ASTN2: variants seen among roughly 807,000 people sequenced by gnomAD.
ASTN2 encodes the protein astrotactin-2.
ASTN2 carries 54 observed loss-of-function variants against 139.8 expected under a neutral mutation model. The observed-to-expected ratio is 0.39, with a 90% CI of 0.31 to 0.48. The LOEUF is 0.48. ASTN2 is among the 20% of genes least tolerant of loss of function. The probability of loss-of-function intolerance (pLI) is 0.95; values close to 1 mark genes in which losing one functional copy is unlikely to be tolerated. For synonymous variants in ASTN2, 756 were observed against 719.5 expected, an observed-to-expected ratio of 1.05 and a Z score of -0.81; for missense variants, 1,565 against 1,725.1, an observed-to-expected ratio of 0.91 and a Z score of 1.64.
intron 11 of ASTN2, among the ~76,000 whole-genome samples, chr9:116,823,220 G>A (rs994891239): frequency 3.3e-5 from 5 of 152,214 alleles, no homozygotes; most frequent in South Asian, 2.1e-4. Context: ...GGTAGGTACC[G>A]TCAGGATTCC....
At chr9:117,039,717 G>A (rs535317989) in intron 6 of ASTN2, 102 bp downstream of exon 6, 2 of 1,287,950 alleles carry the variant, frequency 1.6e-6, no homozygotes, top group South Asian at 4.1e-5. Context: ...TGTAATATAT[G>A]TAATAGTAAT....
At chr9:117,031,830 A>G (rs189002553) in intron 6 of ASTN2, among the ~76,000 whole-genome samples, 145 of 152,228 alleles carry the variant, frequency 9.5e-4, no homozygotes, top group Non-Finnish European at 1.5e-3. Flanking sequence ...CAGGGGCCTG[A>G]CCTTGCAAGG....
chr9:116,579,192 G>T (rs1853850499), intron 19 of ASTN2: 1 of 152,180 alleles, frequency 6.6e-6, no homozygotes, highest in South Asian at 2.1e-4. Flanking sequence ...TTTTACAAAT[G>T]GGGCAATCAA....
chr9:117,332,788 G>A (rs748916284), intron 1 of ASTN2, among the ~76,000 whole-genome samples: 15 of 152,114 alleles, frequency 9.9e-5, no homozygotes, highest in Non-Finnish European at 2.1e-4. Flanking sequence ...GCTCAATATG[G>A]CATATCCATA....
chr9:117,392,492 G>A (rs1588007261), intron 1 of ASTN2, among the ~76,000 whole-genome samples: 1 of 151,982 alleles, frequency 6.6e-6, no homozygotes, highest in African/African-American at 2.4e-5. Context: ...TGTTTGTTTT[G>A]TTTTTGAAGT....
At chr9:117,330,288 A>C (rs190469188) in intron 1 of ASTN2, among the ~76,000 whole-genome samples, 1 of 152,326 alleles carries the variant, frequency 6.6e-6, no homozygotes, top group Non-Finnish European at 1.5e-5. Context: ...TGAGGCTTCA[A>C]GAAACCCAAC....
At chr9:117,048,713 T>C (rs1329265209) in intron 5 of ASTN2, among the ~76,000 whole-genome samples, 2 of 152,196 alleles carry the variant, frequency 1.3e-5, no homozygotes, top group African/African-American at 4.8e-5. Flanking sequence ...TTCTCAAATA[T>C]CTCATTACCT....
intron 1 of ASTN2, among the ~76,000 whole-genome samples, chr9:117,308,772 T>TA (rs1004984218): frequency 1.1e-3 from 167 of 147,502 alleles, no homozygotes; most frequent in Middle Eastern, 7.0e-3. Context: ...CATCTACCTT[T>TA]AAAAAAAAAA....
chr9:116,911,147 G>T (rs1434116880), intron 10 of ASTN2, among the ~76,000 whole-genome samples: 2 of 152,214 alleles, frequency 1.3e-5, no homozygotes, highest in Non-Finnish European at 2.9e-5. Flanking sequence ...TCATTCGCAA[G>T]CGAGTAAGAT....
At chr9:116,976,223 T>C (rs1317167535) in intron 8 of ASTN2, 35 bp from the exon 9 acceptor site, 4 of 1,586,702 alleles carry the variant, frequency 2.5e-6, no homozygotes, top group Non-Finnish European at 3.5e-6. Context: ...GAAGATGACA[T>C]TAGTCAGAGG....
intron 16 of ASTN2, among the ~76,000 whole-genome samples, chr9:116,670,445 C>G (rs1017777248): frequency 6.6e-6 from 1 of 152,130 alleles, no homozygotes; most frequent in East Asian, 1.9e-4. Context: ...CATAAGCCAC[C>G]GCACCTGGCC....
intron 2 of ASTN2, among the ~76,000 whole-genome samples, chr9:117,229,420 G>A (rs1343361262): frequency 6.6e-6 from 1 of 152,128 alleles, no homozygotes; most frequent in Non-Finnish European, 1.5e-5. Context: ...AGCTCCAGCT[G>A]GGCTACCCAA....
At chr9:116,899,885 C>T (rs1000739086) in intron 10 of ASTN2, among the ~76,000 whole-genome samples, 11 of 152,194 alleles carry the variant, frequency 7.2e-5, no homozygotes, top group South Asian at 6.2e-4. Flanking sequence ...TCCTGCATTC[C>T]GATATCCAAG....
chr9:116,590,458 C>A (rs750139624), intron 19 of ASTN2, among the ~76,000 whole-genome samples: 1 of 152,166 alleles, frequency 6.6e-6, no homozygotes, highest in East Asian at 1.9e-4. Context: ...CCAATAAGCA[C>A]GGGAAAGGGG....
intron 13 of ASTN2, among the ~76,000 whole-genome samples, chr9:116,761,730 C>T (rs1829677247): frequency 6.6e-6 from 1 of 152,022 alleles, no homozygotes; most frequent in African/African-American, 2.4e-5. Flanking sequence ...GAACTGTGTC[C>T]ACCAAGATAA....
At chr9:117,148,478 T>C (rs1830252393) in intron 3 of ASTN2, among the ~76,000 whole-genome samples, 1 of 152,174 alleles carries the variant, frequency 6.6e-6, no homozygotes. Context: ...CTTTGCAAAC[T>C]TTCTTAGAAA....
intron 17 of ASTN2, among the ~76,000 whole-genome samples, chr9:116,648,944 G>T (rs1054732434): frequency 6.6e-6 from 1 of 152,054 alleles, no homozygotes; most frequent in African/African-American, 2.4e-5. Flanking sequence ...TGAGGCAGAA[G>T]AATTGTTTGA....
rs115535860 is a variant in ASTN2, at chr9:116,837,080, T to C, written c.2041-16297A>G. On this transcript the variant is annotated intron_variant, in intron 11 of 22. Coordinates refer to ENST00000313400, the MANE Select transcript of ASTN2 (RefSeq NM_001365068.1). ...GGTTGTTGGCAGAGGAATAAAGTGA[T>C]TTTGTTTGCTACTTTGAAGAGATTA... Among the ~76,000 whole-genome samples the C allele has an allele frequency of 6.7e-3, 1,018 of 152,184 alleles. 7 individuals carry two copies. The highest frequency in any genetic ancestry group is 0.024 in the African/African-American group (986 of 41,520).
At chr9:117,215,518 C>T (rs960806487) in intron 2 of ASTN2, among the ~76,000 whole-genome samples, 4 of 148,732 alleles carry the variant, frequency 2.7e-5, no homozygotes, top group African/African-American at 7.6e-5. Context: ...CTTTGATACA[C>T]TCAGCTCCTA....
Sources: allele counts gnomAD v4.1 joint callset (sites outside exome capture counted in the v4.1 genomes callset), GRCh38; gene constraint gnomAD v4.1.1; transcripts MANE v1.5; gene names NCBI Gene and HGNC (gene_info 2026-07-23, HGNC 2026-07-21).